Variants in CD300LD observed in about 807,000 individuals in gnomAD.
The protein encoded by CD300LD is CMRF35-like molecule 5.
Under a neutral mutation model 20.3 loss-of-function variants are expected in CD300LD, and 18 were observed. The observed-to-expected ratio is 0.89, with a 90% CI of 0.61 to 1.32. The LOEUF is 1.32. CD300LD is among the 40% of genes most tolerant of loss of function. The probability of loss-of-function intolerance (pLI) is 0.00; values close to 1 mark genes in which losing one functional copy is unlikely to be tolerated. For missense variants in CD300LD, 195 were observed against 226.6 expected (o/e 0.86, Z 0.90); for synonymous variants, 104 against 90.1 (o/e 1.15, Z -0.87).
chr17:74,583,087 A>G lies in CD300LD; in HGVS notation c.380-776T>C, dbSNP rs372862868. Among the ~76,000 whole-genome samples the G allele has an allele frequency of 1.5e-4, 23 of 152,166 alleles. 1 individual carries two copies. Among genetic ancestry groups the G allele is most frequent in the Admixed American group, 1.3e-3 (20 of 15,282 alleles). ...ACTCTGATGTATGTGTATACCCGGTAACACCACCACCATGATCAGGACAGT... is the reference window on the plus strand; with the variant it reads ...ACTCTGATGTATGTGTATACCCGGTGACACCACCACCATGATCAGGACAGT... On this transcript the variant is annotated intron_variant, in intron 2 of 3. Transcript: ENST00000375352.
chr17:74,582,418 G>T, intron 2 of CD300LD, 107 bp from the exon 3 acceptor site: 1 of 745,308 alleles, frequency 1.3e-6, no homozygotes, highest in Non-Finnish European at 2.2e-6. Context: ...CTGCCTTGGG[G>T]TCCAAGACTG....
intron 2 of CD300LD, among the ~76,000 whole-genome samples, chr17:74,582,769 C>T (rs1384957326): frequency 6.6e-6 from 1 of 152,136 alleles, no homozygotes; most frequent in African/African-American, 2.4e-5. Context: ...CCCTCTCTGG[C>T]CGTTTCCTGT....
Position 74,588,748 on chromosome 17 carries a change from A to T in CD300LD, c.142T>A (p.Tyr48Asn), listed in dbSNP as rs142719069. The change falls in exon 2 of 4, where the codon TAC becomes AAC. Residue 48 changes from tyrosine (Y) to asparagine (N), a missense_variant. Transcript: ENST00000375352. ...GCTCCTTGACACCGCCACTTCAAGT[A>T]GGTCTCCCAGCCTGAGCCATAAGCA... ...QCAYGSGWET[Y>N]LKWRCQGADW... 368 of 1,614,192 alleles carry T rather than the reference A, an allele frequency of 2.3e-4. 2 individuals are homozygous for T. In the East Asian group the frequency reaches 7.9e-3, roughly 35 times the overall value.
At chr17:74,584,035 G>A (rs2655603) in intron 2 of CD300LD, among the ~76,000 whole-genome samples, 2,722 of 152,074 alleles carry the variant, frequency 0.018, 83 homozygotes, top group African/African-American at 0.063. Context: ...GATTACAGGC[G>A]TGAACCACCA....
intron 2 of CD300LD, chr17:74,585,077 A>G (rs2030125955): frequency 6.6e-6 from 1 of 152,206 alleles, no homozygotes. Flanking sequence ...GTGCAACATT[A>G]TGTGCATTTG....
intron 1 of CD300LD, chr17:74,591,945 G>A: frequency 1.5e-6 from 2 of 1,345,098 alleles, no homozygotes; most frequent in Non-Finnish European, 1.0e-6. Flanking sequence ...CCAACAAGAA[G>A]CTATACTTGT....
chr17:74,589,974 A>G (rs926891578), intron 1 of CD300LD, among the ~76,000 whole-genome samples: 6 of 152,188 alleles, frequency 3.9e-5, no homozygotes, highest in African/African-American at 1.2e-4. Context: ...TCTACCACTG[A>G]TAAGTTTTGT....
At chr17:74,589,465 G>A (rs1487282012) in intron 1 of CD300LD, among the ~76,000 whole-genome samples, 1 of 152,178 alleles carries the variant, frequency 6.6e-6, no homozygotes, top group Non-Finnish European at 1.5e-5. Flanking sequence ...GTAAAGGTTA[G>A]GTATAAACAG....
intron 2 of CD300LD, among the ~76,000 whole-genome samples, chr17:74,585,522 T>G (rs564124566): frequency 1.3e-5 from 2 of 152,172 alleles, no homozygotes; most frequent in African/African-American, 4.8e-5. Context: ...TACAAAGAAT[T>G]TTATGCTCTG....
intron 2 of CD300LD, among the ~76,000 whole-genome samples, chr17:74,582,709 G>A (rs567247745): frequency 3.9e-5 from 6 of 151,986 alleles, no homozygotes; most frequent in South Asian, 2.1e-4. Flanking sequence ...GGAGAGCCCC[G>A]GATTCCTGGC....
intron 2 of CD300LD, 46 bp downstream of exon 2, chr17:74,588,465 C>A: frequency 7.7e-7 from 1 of 1,306,480 alleles, no homozygotes; most frequent in Non-Finnish European, 1.1e-6. Context: ...GGGACCAGGA[C>A]AGAGCAGGAC....
At chr17:74,581,708 C>T (rs915785232) in intron 3 of CD300LD, among the ~76,000 whole-genome samples, 1 of 152,226 alleles carries the variant, frequency 6.6e-6, no homozygotes, top group Non-Finnish European at 1.5e-5. Context: ...GGCCAAACCT[C>T]GATATGCCCT....
chr17:74,588,568 CACACCAATA>C lies in CD300LD; in HGVS notation c.313_321del (p.Tyr105_Cys107del), dbSNP rs780381823. 3.7e-6 allele frequency: 6 copies of C among 1,614,136 alleles called. No individual in the cohort carries two copies. Among genetic ancestry groups the C allele is most frequent in the Non-Finnish European group, 5.1e-6 (6 of 1,179,992 alleles). On this transcript the variant is annotated inframe_deletion, in exon 2 of 4. Transcript: ENST00000375352. ...AGATCAATTCCAGGTCTCTCAGTCC[CACACCAATA>C]ACTGTCAGCATCATCTCTTTTGAGA... is the stretch of plus-strand genomic sequence containing the variant.
In CD300LD at chr17:74,588,587, A is replaced by G. The variant is rs762282261; in HGVS notation, c.303T>C (p.Asp101=). The G allele has an allele frequency of 6.2e-7, 1 of 1,614,064 alleles. No individual in the cohort carries two copies. Among genetic ancestry groups the G allele is most frequent in the East Asian group, 2.2e-5 (1 of 44,888 alleles). Residue 101 remains aspartate, a synonymous_variant, in exon 2 of 4, where the codon GAT becomes GAC. Coordinates refer to ENST00000375352, the MANE Select transcript of CD300LD (RefSeq NM_001115152.2). ...CAGTCCCACACCAATAACTGTCAGC[A>G]TCATCTCTTTTGAGATTCTCCATGG... ...TVTMENLKRD[D]ADSYWCGTER...
intron 2 of CD300LD, among the ~76,000 whole-genome samples, chr17:74,588,052 T>C (rs1227150338): frequency 6.6e-6 from 1 of 152,230 alleles, no homozygotes; most frequent in East Asian, 1.9e-4. Context: ...CTTACAGTTA[T>C]GGAGGCTAAG....
intron 1 of CD300LD, chr17:74,591,855 T>G: frequency 3.1e-6 from 1 of 325,858 alleles, no homozygotes; most frequent in Non-Finnish European, 5.3e-6. Flanking sequence ...AAGAATGGAC[T>G]CACTCATTAG....
At chr17:74,584,240 T>G (rs2030105605) in intron 2 of CD300LD, among the ~76,000 whole-genome samples, 1 of 152,226 alleles carries the variant, frequency 6.6e-6, no homozygotes, top group Non-Finnish European at 1.5e-5. Context: ...ATTTCATGTC[T>G]GAAGAAACTG....
intron 2 of CD300LD, among the ~76,000 whole-genome samples, chr17:74,586,170 T>C (rs1084668): frequency 0.011 from 1,678 of 152,358 alleles, 34 homozygotes; most frequent in African/African-American, 0.037. Context: ...TGCACTGGCA[T>C]CTGTGAGATG....
At chr17:74,587,072 C>T (rs62086660) in intron 2 of CD300LD, among the ~76,000 whole-genome samples, 2 of 152,024 alleles carry the variant, frequency 1.3e-5, no homozygotes, top group Non-Finnish European at 2.9e-5. Flanking sequence ...TCTCTGGAAC[C>T]CAGGAGGTGG....
Sources: allele counts gnomAD v4.1 joint callset (sites outside exome capture counted in the v4.1 genomes callset), GRCh38; gene constraint gnomAD v4.1.1; transcripts MANE v1.5; gene names NCBI Gene and HGNC (gene_info 2026-07-23, HGNC 2026-07-21).